Variants in MCC observed in about 807,000 individuals in gnomAD.
MCC encodes MCC regulator of Wnt signaling pathway.
A neutral mutation model predicts 116.2 loss-of-function variants in MCC; 90 were observed. That is an observed-to-expected ratio of 0.77 (90% CI 0.65 to 0.92). The LOEUF is 0.92. Among genes scored for constraint, MCC ranks in the 40% least tolerant of loss-of-function variants. The pLI is 0.00. For missense variants in MCC, 1,516 were observed against 1,312.2 expected (o/e 1.16, Z -2.40); for synonymous variants, 578 against 510.5 (o/e 1.13, Z -1.78).
chr5:113,136,668 G>C (rs1164518176), intron 5 of MCC, among the ~76,000 whole-genome samples: 1 of 152,126 alleles, frequency 6.6e-6, no homozygotes, highest in Non-Finnish European at 1.5e-5. Flanking sequence ...GCATAGAGAT[G>C]CTAAAATGAT....
chr5:113,068,096 G>A lies in MCC; in HGVS notation c.2013C>T (p.Gly671=), dbSNP rs746570750. 19 of 1,613,876 alleles carry A rather than the reference G, an allele frequency of 1.2e-5. No homozygotes were observed. The East Asian group carries it at 2.9e-4, about 25-fold the overall frequency. ...GACACTTACCAGGGGAGGACCCCAC[G>A]CCCGCCGCTCGGAACTGCCCCAGGA... ...SLILGQFRAA[G]VGSSPGDQSG... The change falls in exon 13 of 19, where the codon GGC becomes GGT. Residue 671 remains glycine (G), a synonymous_variant. Coordinates refer to ENST00000408903, the MANE Select transcript of MCC (RefSeq NM_001085377.2).
At chr5:113,037,929 T>C (rs1322430521) in intron 17 of MCC, among the ~76,000 whole-genome samples, 1 of 152,164 alleles carries the variant, frequency 6.6e-6, no homozygotes, top group Admixed American at 6.5e-5. Flanking sequence ...ACGGACAATC[T>C]TGAGTGCCAA....
intron 8 of MCC, among the ~76,000 whole-genome samples, chr5:113,093,469 A>ATCTC (rs144701142): frequency 0.19 from 28,021 of 149,162 alleles, 2,763 homozygotes; most frequent in East Asian, 0.29. Context: ...CTATCTGTTG[A>ATCTC]TCTCTCTCTC....
chr5:113,462,557 G>T (rs1219949396), intron 1 of MCC, among the ~76,000 whole-genome samples: 1 of 152,184 alleles, frequency 6.6e-6, no homozygotes, highest in Non-Finnish European at 1.5e-5. Flanking sequence ...ACAAAGGACA[G>T]AGGGCAGTTA....
chr5:113,151,273 A>C, intron 4 of MCC, 36 bp downstream of exon 4: 1 of 1,318,966 alleles, frequency 7.6e-7, no homozygotes, highest in African/African-American at 1.5e-5. Context: ...AAAACAAAAA[A>C]CAAAAGCAAA....
chr5:113,363,934 C>T (rs1346381206), intron 2 of MCC, among the ~76,000 whole-genome samples: 1 of 151,954 alleles, frequency 6.6e-6, no homozygotes, highest in African/African-American at 2.4e-5. Context: ...AAGAAATAGG[C>T]CAAAAGAAAG....
In MCC at chr5:113,145,390, C is replaced by T. The variant is rs572108928; in HGVS notation, c.742-2030G>A. ...TCCTCTTTTGTTTTCCATATTCCGT[C>T]TAGGGCTACAAATTACTGTGAAACA... On this transcript the variant is annotated intron_variant, in intron 4 of 18. Coordinates refer to ENST00000408903, the MANE Select transcript of MCC (RefSeq NM_001085377.2). Among the ~76,000 whole-genome samples the T allele has an allele frequency of 2.0e-5, 3 of 152,298 alleles. No homozygotes were observed. The East Asian group carries it at 5.8e-4, about 29-fold the overall frequency.
intron 1 of MCC, among the ~76,000 whole-genome samples, chr5:113,464,322 T>C (rs954369001): frequency 1.3e-5 from 2 of 152,212 alleles, no homozygotes; most frequent in East Asian, 1.9e-4. Flanking sequence ...TCTACTACTC[T>C]TCTTTTCTCA....
At chr5:113,062,307 G>A (rs1753280250) in intron 14 of MCC, among the ~76,000 whole-genome samples, 1 of 152,180 alleles carries the variant, frequency 6.6e-6, no homozygotes, top group African/African-American at 2.4e-5. Flanking sequence ...CAAAATCAAG[G>A]CTAACCTGTA....
intron 4 of MCC, among the ~76,000 whole-genome samples, chr5:113,144,840 C>G (rs1759395650): frequency 6.6e-6 from 1 of 152,202 alleles, no homozygotes; most frequent in African/African-American, 2.4e-5. Context: ...AACTACTACT[C>G]TTAGTGACAA....
intron 3 of MCC, among the ~76,000 whole-genome samples, chr5:113,273,037 T>C (rs1765673913): frequency 6.6e-6 from 1 of 152,228 alleles, no homozygotes; most frequent in Non-Finnish European, 1.5e-5. Context: ...TATTACTATT[T>C]CACTATTGTG....
Position 113,487,984 on chromosome 5 carries a change from C to T in MCC, c.170+261G>A, listed in dbSNP as rs1013875379. ...TCCAAGCCCCCGGAAGAGTGCGCAT[C>T]CTAAGGAGATGTCTCCCAACGCCTA... On this transcript the variant is annotated intron_variant, in intron 1 of 18. Transcript: ENST00000408903. Among the ~76,000 whole-genome samples, 3 of 152,284 alleles carry T rather than the reference C, an allele frequency of 2.0e-5. No individual in the cohort carries two copies. In the South Asian group the frequency reaches 6.2e-4, roughly 32 times the overall value.
At chr5:113,083,441 A>G (rs1483883677) in intron 10 of MCC, among the ~76,000 whole-genome samples, 1 of 152,208 alleles carries the variant, frequency 6.6e-6, no homozygotes, top group East Asian at 1.9e-4. Flanking sequence ...ATCTGAATGC[A>G]TGCATTTTTG....
intron 3 of MCC, among the ~76,000 whole-genome samples, chr5:113,220,870 G>A (rs962778689): frequency 5.3e-5 from 8 of 152,168 alleles, no homozygotes; most frequent in Non-Finnish European, 1.0e-4. Context: ...TTGAACAGAC[G>A]TGGTGAACAC....
chr5:113,058,157 T>A (rs1480757656), intron 14 of MCC, among the ~76,000 whole-genome samples: 3 of 152,216 alleles, frequency 2.0e-5, no homozygotes, highest in Non-Finnish European at 4.4e-5. Context: ...AGACTACTTT[T>A]TGGGAAATAT....
At chr5:113,184,479 GTT>G (rs11303638) in intron 3 of MCC, among the ~76,000 whole-genome samples, 3,708 of 115,154 alleles carry the variant, frequency 0.032, 173 homozygotes, top group African/African-American at 0.1. Context: ...TTCGTTTTTT[GTT>G]TTTTTTTTTT....
intron 3 of MCC, among the ~76,000 whole-genome samples, chr5:113,310,397 T>G (rs1409915613): frequency 6.6e-6 from 1 of 152,208 alleles, no homozygotes; most frequent in East Asian, 1.9e-4. Context: ...GCCTTGCTTT[T>G]GAACTTCCCA....
intron 3 of MCC, among the ~76,000 whole-genome samples, chr5:113,200,061 A>C (rs929294703): frequency 5.3e-5 from 8 of 152,184 alleles, no homozygotes. Context: ...ACAGGTGGAA[A>C]GAGTTTTGCC....
intron 17 of MCC, among the ~76,000 whole-genome samples, chr5:113,042,973 G>A (rs903135785): frequency 1.3e-5 from 2 of 152,046 alleles, no homozygotes; most frequent in East Asian, 1.9e-4. Context: ...TGTAGCACCC[G>A]GGGAAAAAGC....
Sources: allele counts gnomAD v4.1 joint callset (sites outside exome capture counted in the v4.1 genomes callset), GRCh38; gene constraint gnomAD v4.1.1; transcripts MANE v1.5; gene names NCBI Gene and HGNC (gene_info 2026-07-23, HGNC 2026-07-21).